The following SNX4 variants were observed in gnomAD, a reference collection of about 807,000 sequenced individuals.
SNX4 encodes sorting nexin 4.
SNX4 carries 49 observed loss-of-function variants against 70.8 expected under a neutral mutation model. That is an observed-to-expected ratio of 0.69 (90% confidence interval 0.55 to 0.88). SNX4 has a LOEUF of 0.88. SNX4 is among the 40% of genes least tolerant of loss of function. SNX4 has a pLI of 0.00. For missense variants in SNX4, 528 were observed against 544.8 expected (o/e 0.97, Z 0.31); for synonymous variants, 206 against 183.8 (o/e 1.12, Z -0.98).
intron 1 of SNX4, among the ~76,000 whole-genome samples, chr3:125,513,770 G>A (rs1291611241): frequency 6.6e-6 from 1 of 152,176 alleles, no homozygotes; most frequent in Non-Finnish European, 1.5e-5. Flanking sequence ...ACACAGATCA[G>A]AGGTAGCTGG....
At chr3:125,505,538 G>A (rs371525475) in intron 1 of SNX4, among the ~76,000 whole-genome samples, 1 of 152,194 alleles carries the variant, frequency 6.6e-6, no homozygotes, top group Admixed American at 6.5e-5. Flanking sequence ...AGGCAGCTGT[G>A]CAGCATTCCT....
chr3:125,460,442 T>G (rs1355234945), intron 10 of SNX4, among the ~76,000 whole-genome samples: 2 of 152,154 alleles, frequency 1.3e-5, no homozygotes, highest in Non-Finnish European at 2.9e-5. Context: ...AAAATAGCAA[T>G]ATACAACATA....
chr3:125,492,034 T>C (rs925170455), intron 5 of SNX4, among the ~76,000 whole-genome samples: 2 of 135,640 alleles, frequency 1.5e-5, no homozygotes, highest in African/African-American at 5.7e-5. Flanking sequence ...CTTGAACCCG[T>C]GAGGCAGAGT....
At chr3:125,504,582 G>A (rs1935006731) in intron 2 of SNX4, 41 bp downstream of exon 2, 1 of 1,581,616 alleles carries the variant, frequency 6.3e-7, no homozygotes, top group Non-Finnish European at 8.6e-7. Flanking sequence ...ATCAGAAAAA[G>A]CTTTCTGTCT....
rs1177126088 is a variant in SNX4, at chr3:125,504,746, T to G, written c.142-2A>C. On this transcript the variant is annotated splice_acceptor_variant, in intron 1 of 13. Transcript: ENST00000251775. LOFTEE classifies it high-confidence loss of function. ...CAACCAAAAATTATTGTGTGTCATCTGGACAAAAGTAAATAAAACAACAAC... is the reference window on the plus strand; with the variant it reads ...CAACCAAAAATTATTGTGTGTCATCGGGACAAAAGTAAATAAAACAACAAC... The G allele has an allele frequency of 1.2e-6, 2 of 1,611,902 alleles. No homozygotes were observed. Among genetic ancestry groups the G allele is most frequent in the Admixed American group, 1.7e-5 (1 of 59,652 alleles).
At chr3:125,473,865 C>G (rs1419950362) in intron 8 of SNX4, among the ~76,000 whole-genome samples, 2 of 152,086 alleles carry the variant, frequency 1.3e-5, no homozygotes, top group East Asian at 3.8e-4. Flanking sequence ...TTGCTCTAAC[C>G]CTCTAATATT....
In SNX4 at chr3:125,506,034, A is replaced by G. The variant is rs143669379; in HGVS notation, c.142-1290T>C. 2.2e-3 allele frequency among the ~76,000 whole-genome samples: 333 copies of G among 152,308 alleles called. 2 individuals carry two copies. The highest frequency in any genetic ancestry group is 4.0e-3 in the Non-Finnish European group (269 of 68,038). On this transcript the variant is annotated intron_variant, in intron 1 of 13. Coordinates refer to ENST00000251775, the MANE Select transcript of SNX4 (RefSeq NM_003794.4). ...AGGCTCAAGCTCAGGAAAGATCTAT[A>G]AAGACTTTAAGTTTACACCTCTCTC...
intron 13 of SNX4, among the ~76,000 whole-genome samples, chr3:125,448,513 CTAA>C (rs1933487175): frequency 6.6e-6 from 1 of 151,822 alleles, no homozygotes; most frequent in Non-Finnish European, 1.5e-5. Flanking sequence ...AATTATCACT[CTAA>C]TAACTAAAGT....
intron 6 of SNX4, among the ~76,000 whole-genome samples, chr3:125,481,825 G>C (rs1934418568): frequency 6.6e-6 from 1 of 152,120 alleles, no homozygotes. Flanking sequence ...ATCTGAATCT[G>C]AATTTTATAG....
intron 12 of SNX4, among the ~76,000 whole-genome samples, chr3:125,452,948 A>G (rs2107839659): frequency 6.6e-6 from 1 of 152,212 alleles, no homozygotes; most frequent in East Asian, 1.9e-4. Flanking sequence ...TTACTTTGCC[A>G]TATTTGGTGC....
intron 1 of SNX4, among the ~76,000 whole-genome samples, chr3:125,514,619 C>T (rs1335979979): frequency 3.3e-5 from 5 of 152,076 alleles, no homozygotes; most frequent in African/African-American, 1.2e-4. Flanking sequence ...CTCAAACTCC[C>T]GACCTCAGGT....
At chr3:125,517,616 A>G (rs11923628) in intron 1 of SNX4, among the ~76,000 whole-genome samples, 7,322 of 152,262 alleles carry the variant, frequency 0.048, 405 homozygotes, top group African/African-American at 0.13. Flanking sequence ...ACACCTAGTA[A>G]TTCTGAAATA....
intron 2 of SNX4, among the ~76,000 whole-genome samples, chr3:125,499,942 C>T (rs1245931050): frequency 6.6e-6 from 1 of 151,966 alleles, no homozygotes; most frequent in Non-Finnish European, 1.5e-5. Flanking sequence ...TGCCTGTAAT[C>T]CCAGCTACCC....
intron 1 of SNX4, among the ~76,000 whole-genome samples, chr3:125,508,180 G>A (rs1185784154): frequency 6.6e-6 from 1 of 152,156 alleles, no homozygotes; most frequent in East Asian, 1.9e-4. Context: ...AAATCCCAAT[G>A]ACATTCTTTG....
At chr3:125,447,936 C>G (rs956995568) in intron 13 of SNX4, 110 bp from the exon 14 acceptor site, 2 of 618,528 alleles carry the variant, frequency 3.2e-6, no homozygotes, top group Non-Finnish European at 2.8e-6. Flanking sequence ...ATTAAGAAGT[C>G]GAGAAAATAT....
rs921819366 is a variant in SNX4 at position 125,446,944 on chromosome 3, T to C, written c.*835A>G. On this transcript the variant is annotated 3_prime_UTR_variant, in exon 14 of 14. Coordinates refer to ENST00000251775, the MANE Select transcript of SNX4 (RefSeq NM_003794.4). ...TGTTAATGATGAAGATAGCAACACA[T>C]ATGTTTAGTACATATATCTTACACA... The C allele has an allele frequency of 2.0e-5, 3 of 152,592 alleles. No homozygotes were observed. Among genetic ancestry groups the C allele is most frequent in the African/African-American group, 7.2e-5 (3 of 41,452 alleles). 9.5% of individuals were successfully genotyped at this position (152,592 alleles called of 1,614,324 possible). A position where few individuals can be genotyped will look rare whatever the true frequency, so the allele number is the denominator to read the frequency against.
chr3:125,475,914 G>A (rs1934279533), intron 8 of SNX4, among the ~76,000 whole-genome samples: 1 of 150,616 alleles, frequency 6.6e-6, no homozygotes, highest in Admixed American at 6.6e-5. Flanking sequence ...AGAGGCAGAG[G>A]TTGCAGTGAG....
intron 9 of SNX4, among the ~76,000 whole-genome samples, chr3:125,464,725 C>G (rs774189078): frequency 6.6e-6 from 1 of 151,724 alleles, no homozygotes; most frequent in Non-Finnish European, 1.5e-5. Context: ...GTACATGCCA[C>G]CACTCCCTGC....
chr3:125,519,797 C>T (rs1351913557), intron 1 of SNX4, among the ~76,000 whole-genome samples: 2 of 152,152 alleles, frequency 1.3e-5, no homozygotes, highest in African/African-American at 4.8e-5. Context: ...CTCGACACTT[C>T]CCTCAGTCAC....
Sources: allele counts gnomAD v4.1 joint callset (sites outside exome capture counted in the v4.1 genomes callset), GRCh38; gene constraint gnomAD v4.1.1; transcripts MANE v1.5; gene names NCBI Gene and HGNC (gene_info 2026-07-23, HGNC 2026-07-21).